The following PDE1B variants were observed in gnomAD, a reference collection of about 807,000 sequenced individuals.
PDE1B encodes the protein dual specificity calcium/calmodulin-dependent 3',5'-cyclic nucleotide phosphodiesterase 1B.
In PDE1B, 13 loss-of-function variants were observed where a neutral mutation model predicts 66.7. The observed-to-expected ratio is 0.19, with a 90% CI of 0.13 to 0.31. The LOEUF is 0.31. Among genes scored for constraint, PDE1B ranks in the 10% least tolerant of loss-of-function variants. The pLI, the probability that PDE1B is intolerant of heterozygous loss-of-function variation, is 1.00. For missense variants in PDE1B, 485 were observed against 682.3 expected, an observed-to-expected ratio of 0.71 and a Z score of 3.22; for synonymous variants, 230 against 253.9, an observed-to-expected ratio of 0.91 and a Z score of 0.90.
At position 54,570,304 on chromosome 12, in the gene PDE1B, A is replaced by C; in HGVS notation, c.541A>C (p.Arg181=). The change falls in exon 6 of 16, where the codon AGG becomes CGG. Residue 181 remains arginine, a synonymous_variant. Transcript: ENST00000243052. ...LNQAADDHAL[R]TIVFELLTRH... is the part of the protein sequence containing the mutation. ...CCAGGCAGCAGATGACCATGCCCTG[A>C]GGACCATTGTTTTTGAGTTGCTGAC... The C allele has an allele frequency of 3.1e-6, 5 of 1,613,904 alleles. No individual in the cohort carries two copies. Among genetic ancestry groups the C allele is most frequent in the Non-Finnish European group, 4.2e-6 (5 of 1,179,836 alleles).
At chr12:54,553,666 C>T (rs1372956829) in intron 2 of PDE1B, among the ~76,000 whole-genome samples, 1 of 152,076 alleles carries the variant, frequency 6.6e-6, no homozygotes, top group Non-Finnish European at 1.5e-5. Context: ...GCGTGTATAC[C>T]TCCGTGTTTG....
At chr12:54,567,210 A>G (rs1957530660) in intron 3 of PDE1B, 123 bp downstream of exon 3, 3 of 556,798 alleles carry the variant, frequency 5.4e-6, no homozygotes, top group Non-Finnish European at 9.7e-6. Context: ...GAGAGGGTGG[A>G]CCAGATATAA....
intron 2 of PDE1B, among the ~76,000 whole-genome samples, chr12:54,551,736 C>T (rs1381432118): frequency 6.6e-6 from 1 of 152,138 alleles, no homozygotes; most frequent in Non-Finnish European, 1.5e-5. Flanking sequence ...GTTGTTTCTT[C>T]CTTTAGTGTG....
At chr12:54,570,906 CT>C (rs1461656174) in intron 6 of PDE1B, 1 of 152,604 alleles carries the variant, frequency 6.6e-6, no homozygotes, top group Non-Finnish European at 1.5e-5. Flanking sequence ...AGATTAAGTC[CT>C]TCCTAGATCC....
rs369633495 is a variant in PDE1B, at chr12:54,569,658, A to C, written c.477+46A>C. 7.6e-7 allele frequency: 1 copy of C among 1,321,786 alleles called. No individual in the cohort carries two copies. The highest frequency in any genetic ancestry group is 1.1e-6 in the Non-Finnish European group (1 of 913,814). The allele number at this position is 1,321,786 out of a possible 1,614,324, so 81.9% of individuals were successfully genotyped here. On this transcript the variant is annotated intron_variant, in intron 5 of 15. Transcript: ENST00000243052. The surrounding 1 kb of genome is among the most constrained non-coding windows in gnomAD (Gnocchi z 4.4). ...AAAGAGGAGAAAGTTAGGGGATGGAATAGCCACTGGGACTTCTAGACCCTG... is the reference window on the plus strand; with the variant it reads ...AAAGAGGAGAAAGTTAGGGGATGGACTAGCCACTGGGACTTCTAGACCCTG...
intron 2 of PDE1B, among the ~76,000 whole-genome samples, chr12:54,551,646 G>T (rs1957279181): frequency 6.6e-6 from 1 of 152,146 alleles, no homozygotes; most frequent in Non-Finnish European, 1.5e-5. Flanking sequence ...CAGGTAACAG[G>T]GCCCTGCGAA....
rs1957408920 is a variant in PDE1B at position 54,561,449 on chromosome 12, C to G, written c.114-5525C>G. 3.9e-6 allele frequency: 5 copies of G among 1,277,074 alleles called. No homozygotes were observed. The African/African-American group carries it at 6.1e-5, about 16-fold the overall frequency. The allele number at this position is 1,277,074 out of a possible 1,614,324, so 79.1% of individuals were successfully genotyped here. ...CAGCCAGGCCCCTCCCCAAAGTTCT[C>G]TCTGGTCAGTTGCTCAGTTCTACTG... is the stretch of plus-strand genomic sequence containing the variant. On this transcript the variant is annotated intron_variant, in intron 2 of 15. Coordinates refer to ENST00000243052, the MANE Select transcript of PDE1B (RefSeq NM_000924.4).
chr12:54,562,326 G>A (rs74091317), intron 2 of PDE1B, among the ~76,000 whole-genome samples: 7,420 of 152,302 alleles, frequency 0.049, 364 homozygotes, highest in African/African-American at 0.13. Context: ...CCTAGAGCTA[G>A]GAGAGACTGT....
Position 54,573,336 on chromosome 12 carries a change from A to T in PDE1B, c.837-19A>T. 6.2e-7 allele frequency: 1 copy of T among 1,614,098 alleles called. No homozygotes were observed. Among genetic ancestry groups the T allele is most frequent in the South Asian group, 1.1e-5 (1 of 91,078 alleles). On this transcript the variant is annotated intron_variant, in intron 8 of 15. Coordinates refer to ENST00000243052, the MANE Select transcript of PDE1B (RefSeq NM_000924.4). This position sits in a 1 kb window ranked among gnomAD's most constrained non-coding sequence, Gnocchi z 5.2. ...TCCCTCCTTACAGGGGGTGGTCATG[A>T]TGACCTTTGGCTTTGTAGGTCAGAA...
intron 14 of PDE1B, 26 bp from the exon 15 acceptor site, chr12:54,577,199 T>A (rs1370314979): frequency 8.2e-6 from 13 of 1,592,332 alleles, no homozygotes; most frequent in Non-Finnish European, 1.1e-5. Flanking sequence ...TGGCCTAAGC[T>A]CAGCCTCCTT....
intron 2 of PDE1B, among the ~76,000 whole-genome samples, chr12:54,553,783 C>T (rs1018285139): frequency 6.6e-6 from 1 of 151,996 alleles, no homozygotes; most frequent in Non-Finnish European, 1.5e-5. Context: ...GTTTAGGGAC[C>T]TCAGGACAGA....
At position 54,572,696 on chromosome 12, in the gene PDE1B, T is replaced by A; in HGVS notation, c.690T>A (p.Asp230Glu). The stretch of plus-strand genomic sequence containing the variant: ...ACCACAACCAGATCCACGCAGCCGA[T>A]GTTACCCAGACAGTCCATTGCTTCT... Reference protein sequence around the residue: ...NPYHNQIHAADVTQTVHCFLL... With the variant: ...NPYHNQIHAAEVTQTVHCFLL... Residue 230 changes from aspartate to glutamate, a missense_variant, in exon 7 of 16, where the codon GAT becomes GAA. Asp to Glu is a conservative substitution (Grantham distance 45). Transcript: ENST00000243052. 1 of 1,614,194 alleles carries A rather than the reference T, an allele frequency of 6.2e-7. No individual in the cohort carries two copies. The highest frequency in any genetic ancestry group is 8.5e-7 in the Non-Finnish European group (1 of 1,180,002).
chr12:54,565,412 G>A (rs1242159558), intron 2 of PDE1B, among the ~76,000 whole-genome samples: 1 of 152,216 alleles, frequency 6.6e-6, no homozygotes, highest in Admixed American at 6.5e-5. Context: ...ATCTCTGGGC[G>A]GGGTACTCTG....
chr12:54,574,411 T>C (rs1957690673), intron 10 of PDE1B: 1 of 152,482 alleles, frequency 6.6e-6, no homozygotes, highest in African/African-American at 2.4e-5. Flanking sequence ...GAATACTTAT[T>C]TGTTGTTTGT....
chr12:54,552,768 A>G (rs1034984910), intron 2 of PDE1B, among the ~76,000 whole-genome samples: 3 of 152,210 alleles, frequency 2.0e-5, no homozygotes, highest in Non-Finnish European at 4.4e-5. Flanking sequence ...GGCATGAGAG[A>G]GGGTGAAAGA....
chr12:54,577,498 G>A (rs1243211119), intron 15 of PDE1B, 153 bp downstream of exon 15: 3 of 1,590,414 alleles, frequency 1.9e-6, no homozygotes, highest in South Asian at 2.2e-5. Context: ...GCCAAAGTGT[G>A]GGTGGAGCAG....
At chr12:54,553,894 C>T (rs147342983) in intron 2 of PDE1B, among the ~76,000 whole-genome samples, 15 of 152,254 alleles carry the variant, frequency 9.9e-5, no homozygotes, top group Admixed American at 2.0e-4. Flanking sequence ...CTGCCTGACA[C>T]GTATACATGT....
chr12:54,565,674 C>T (rs1418129746), intron 2 of PDE1B, among the ~76,000 whole-genome samples: 1 of 152,172 alleles, frequency 6.6e-6, no homozygotes, highest in Non-Finnish European at 1.5e-5. Flanking sequence ...GCCACTTTCC[C>T]TTCTGTCCCA....
chr12:54,576,729 G>T, intron 14 of PDE1B, 28 bp downstream of exon 14: 1 of 1,578,830 alleles, frequency 6.3e-7, no homozygotes, highest in Non-Finnish European at 8.6e-7. Context: ...GGGCAGGGGT[G>T]AGAACTTGTG....
Sources: gnomAD v4.1 joint callset for allele counts (sites outside exome capture counted in the v4.1 genomes callset) on GRCh38, gnomAD v4.1.1 for gene constraint, Gnocchi (gnomAD v3.1) non-coding constraint, MANE v1.5 for transcripts, NCBI Gene and HGNC (gene_info 2026-07-23, HGNC 2026-07-21) for gene names.